The following ZNG1E variants were observed in gnomAD, a reference collection of about 807,000 sequenced individuals.
ZNG1E encodes Zn regulated GTPase metalloprotein activator 1E, also known as zinc-regulated GTPase metalloprotein activator 1E.
the ZNG1E span, among the ~76,000 whole-genome samples, chr9:65,659,439 G>A: frequency 1.3e-5 from 2 of 150,684 alleles, no homozygotes; most frequent in African/African-American, 2.5e-5. Context: ...AGGTTGCAGT[G>A]AGCCGAGATC....
chr9:65,711,386 CTA>C, the ZNG1E span, among the ~76,000 whole-genome samples: 1 of 127,018 alleles, frequency 7.9e-6, no homozygotes, highest in Admixed American at 8.2e-5. Flanking sequence ...ACTTCCAACA[CTA>C]TGTTGAATAG....
At chr9:65,659,022 A>G in the ZNG1E span, among the ~76,000 whole-genome samples, 3 of 152,094 alleles carry the variant, frequency 2.0e-5, no homozygotes, top group African/African-American at 7.2e-5. Context: ...ATTTTGGTGG[A>G]AAGTGGGGCA....
the ZNG1E span, among the ~76,000 whole-genome samples, chr9:65,660,863 A>C: frequency 6.9e-6 from 1 of 144,248 alleles, no homozygotes; most frequent in Middle Eastern, 3.6e-3. Flanking sequence ...ATAAAATAAA[A>C]ATTTATATAT....
chr9:65,717,227 AAGC>A, the ZNG1E span, among the ~76,000 whole-genome samples: 1 of 149,646 alleles, frequency 6.7e-6, no homozygotes, highest in South Asian at 2.1e-4. Context: ...TTTTCATATA[AAGC>A]TTTTGTTTTA....
chr9:65,680,107 G>T, the ZNG1E span, among the ~76,000 whole-genome samples: 1 of 151,646 alleles, frequency 6.6e-6, no homozygotes, highest in Non-Finnish European at 1.5e-5. Context: ...AATAGCTCTA[G>T]ACACAATACT....
the ZNG1E span, among the ~76,000 whole-genome samples, chr9:65,656,824 T>A: frequency 6.6e-6 from 1 of 152,250 alleles, no homozygotes; most frequent in African/African-American, 2.4e-5. Context: ...CTGGGGTATC[T>A]GACCACTTCC....
At chr9:65,715,083 T>C in the ZNG1E span, among the ~76,000 whole-genome samples, 12 of 149,206 alleles carry the variant, frequency 8.0e-5, no homozygotes, top group South Asian at 6.4e-4. Context: ...GAGCCAGGTG[T>C]GGGACACAAT....
the ZNG1E span, among the ~76,000 whole-genome samples, chr9:65,709,505 C>T: frequency 8.4e-6 from 1 of 119,052 alleles, no homozygotes; most frequent in Non-Finnish European, 1.7e-5. Context: ...CTCCCCCCTC[C>T]CCCCAACCCA....
At chr9:65,659,278 C>A in the ZNG1E span, among the ~76,000 whole-genome samples, 1 of 151,408 alleles carries the variant, frequency 6.6e-6, no homozygotes, top group South Asian at 2.1e-4. Context: ...GGATGGATCA[C>A]CAGGTCAGGT....
the ZNG1E span, among the ~76,000 whole-genome samples, chr9:65,676,566 C>G: frequency 1.3e-5 from 2 of 149,468 alleles, no homozygotes; most frequent in South Asian, 4.2e-4. Flanking sequence ...GTGGGGCTTT[C>G]GTCAGCAGAT....
chr9:65,722,694 C>A, the ZNG1E span, among the ~76,000 whole-genome samples: 2 of 7,648 alleles, frequency 2.6e-4, no homozygotes, highest in Admixed American at 1.7e-3. Flanking sequence ...CCATGCCTAG[C>A]TAATTTTTTT....
At chr9:65,660,804 C>T in the ZNG1E span, among the ~76,000 whole-genome samples, 2 of 145,220 alleles carry the variant, frequency 1.4e-5, no homozygotes, top group Admixed American at 7.0e-5. Context: ...TTAATATGCA[C>T]ACATCTGTGG....
the ZNG1E span, among the ~76,000 whole-genome samples, chr9:65,664,261 G>T: frequency 6.6e-6 from 1 of 151,542 alleles, no homozygotes; most frequent in Non-Finnish European, 1.5e-5. Flanking sequence ...TTTTTTGGGG[G>T]GGGTGATATG....
chr9:65,675,631 C>T, the ZNG1E span, among the ~76,000 whole-genome samples: 2 of 149,306 alleles, frequency 1.3e-5, no homozygotes, highest in Non-Finnish European at 2.9e-5. Context: ...AGCCTCAGCT[C>T]TACCTACAGC....
chr9:65,716,273 G>C, the ZNG1E span, among the ~76,000 whole-genome samples: 12 of 50,336 alleles, frequency 2.4e-4, no homozygotes, highest in East Asian at 3.9e-4. Flanking sequence ...TCCCATCTCA[G>C]CCTCCCAAGA....
At chr9:65,703,578 T>G in the ZNG1E span, 1 of 957,508 alleles carries the variant, frequency 1.0e-6, no homozygotes, top group Non-Finnish European at 1.2e-6. Flanking sequence ...GATATTTTAT[T>G]AAGCTCATTT....
the ZNG1E span, among the ~76,000 whole-genome samples, chr9:65,668,098 C>T: frequency 6.7e-6 from 1 of 148,224 alleles, no homozygotes; most frequent in Non-Finnish European, 1.5e-5. Context: ...AGAACAAAGC[C>T]TATGTATGTT....
the ZNG1E span, among the ~76,000 whole-genome samples, chr9:65,684,309 GGT>G: frequency 2.0e-5 from 3 of 151,358 alleles, no homozygotes; most frequent in African/African-American, 7.3e-5. Context: ...GGCTGAGGCA[GGT>G]GGATCCCTTG....
At chr9:65,658,620 G>T in the ZNG1E span, among the ~76,000 whole-genome samples, 2 of 150,792 alleles carry the variant, frequency 1.3e-5, no homozygotes, top group East Asian at 1.9e-4. Context: ...CCATCCCAAG[G>T]CACATTATTT....
Sources: allele counts gnomAD v4.1 joint callset (sites outside exome capture counted in the v4.1 genomes callset), GRCh38; gene constraint gnomAD v4.1.1; transcripts MANE v1.5; gene names NCBI Gene and HGNC (gene_info 2026-07-23, HGNC 2026-07-21).